SLC30A9: variants seen among roughly 807,000 people sequenced by gnomAD.
SLC30A9 encodes the protein proton-coupled zinc antiporter SLC30A9, mitochondrial.
In SLC30A9, 58 loss-of-function variants were observed where a neutral mutation model predicts 87.5. That is an observed-to-expected ratio of 0.66 (90% CI 0.54 to 0.82). SLC30A9 has a LOEUF of 0.82. SLC30A9 is among the 40% of genes least tolerant of loss of function. The pLI, the probability that SLC30A9 is intolerant of heterozygous loss-of-function variation, is 0.00. For synonymous variants in SLC30A9, 234 were observed against 233.0 expected (o/e 1.00, Z -0.04); for missense variants, 557 against 679.1 (o/e 0.82, Z 2.00).
At chr4:42,001,871 TTATAA>T in intron 2 of SLC30A9, 91 bp downstream of exon 2, 1 of 842,240 alleles carries the variant, frequency 1.2e-6, no homozygotes, top group Admixed American at 3.0e-5. Flanking sequence ...TAGAACTTAC[TTATAA>T]TACTGTCTGG....
chr4:42,081,287 CTT>C (rs1342401187), intron 17 of SLC30A9, among the ~76,000 whole-genome samples: 1 of 152,004 alleles, frequency 6.6e-6, no homozygotes, highest in African/African-American at 2.4e-5. Context: ...TCATGAAAGA[CTT>C]TTTTAAATGA....
chr4:41,993,680 A>G (rs1211046672), intron 1 of SLC30A9, among the ~76,000 whole-genome samples: 1 of 152,172 alleles, frequency 6.6e-6, no homozygotes, highest in Non-Finnish European at 1.5e-5. Flanking sequence ...ATGCCCTCTG[A>G]CCTAACAGTT....
rs147014914 is a variant in SLC30A9, at chr4:42,065,508, A to G, written c.1072+159A>G. Among the ~76,000 whole-genome samples, 599 of 152,302 alleles carry G rather than the reference A, an allele frequency of 3.9e-3. 1 individual carries two copies. The highest frequency in any genetic ancestry group is 6.8e-3 in the Non-Finnish European group (465 of 68,024). ...TTTTAGGGAGTAAAGTCTTTGCATA[A>G]TGTACTGTGGTTGTTCTGTAATGGA... is the stretch of plus-strand genomic sequence containing the variant. On this transcript the variant is annotated intron_variant, in intron 12 of 17. Transcript: ENST00000264451.
At chr4:42,058,612 G>A (rs1717721262) in intron 9 of SLC30A9, among the ~76,000 whole-genome samples, 1 of 152,178 alleles carries the variant, frequency 6.6e-6, no homozygotes, top group Admixed American at 6.5e-5. Flanking sequence ...AGAAAAAGGA[G>A]GTTTAATGGA....
chr4:42,049,390 T>C lies in SLC30A9; in HGVS notation c.751T>C (p.Cys251Arg). Residue 251 changes from cysteine (C) to arginine (R), a missense_variant, in exon 9 of 18, where the codon TGC (cysteine) becomes CGC (arginine). By Grantham distance (180) the Cys-to-Arg change is radical (BLOSUM62 -3). Coordinates refer to ENST00000264451, the MANE Select transcript of SLC30A9 (RefSeq NM_006345.4). ...MVAICINGLN[C>R]FFKFLAWIYT... ...TTTCTCTTCTAGCAATGGATTAAAC[T>C]GCTTCTTTAAATTTCTTGCCTGGAT... The C allele has an allele frequency of 6.2e-7, 1 of 1,609,736 alleles. No individual in the cohort carries two copies. Among genetic ancestry groups the C allele is most frequent in the Non-Finnish European group, 8.5e-7 (1 of 1,177,040 alleles).
At chr4:42,033,791 G>A (rs772305613) in intron 6 of SLC30A9, among the ~76,000 whole-genome samples, 74 of 152,136 alleles carry the variant, frequency 4.9e-4, no homozygotes, top group Non-Finnish European at 9.0e-4. Flanking sequence ...TAGCCAGGAT[G>A]GTCTCGATGA....
intron 1 of SLC30A9, among the ~76,000 whole-genome samples, chr4:41,995,192 A>AATT (rs1714646074): frequency 6.6e-6 from 1 of 152,174 alleles, no homozygotes; most frequent in Non-Finnish European, 1.5e-5. Flanking sequence ...CCCAGGAGGC[A>AATT]GAGGCTGCAG....
chr4:42,049,310 T>C (rs1717293067), intron 8 of SLC30A9, 67 bp from the exon 9 acceptor site: 1 of 890,028 alleles, frequency 1.1e-6, no homozygotes, highest in Non-Finnish European at 1.8e-6. Context: ...ATACAGCTGA[T>C]TGAGTATGCT....
chr4:42,085,374 T>C (rs1718888357), intron 17 of SLC30A9, among the ~76,000 whole-genome samples: 1 of 152,250 alleles, frequency 6.6e-6, no homozygotes, highest in Admixed American at 6.5e-5. Context: ...GCTCCATCAC[T>C]TACTAGCAGT....
At chr4:41,991,178 T>G (rs1425379134) in intron 1 of SLC30A9, among the ~76,000 whole-genome samples, 2 of 152,284 alleles carry the variant, frequency 1.3e-5, no homozygotes, top group Non-Finnish European at 2.9e-5. Flanking sequence ...TTTCTTGGCC[T>G]TCTTTTTCTT....
intron 6 of SLC30A9, among the ~76,000 whole-genome samples, chr4:42,030,436 C>T (rs185331092): frequency 6.6e-6 from 1 of 152,058 alleles, no homozygotes; most frequent in Non-Finnish European, 1.5e-5. Context: ...GTATTGCCTC[C>T]TATATTTTAT....
chr4:42,027,935 C>T (rs1716260889), intron 6 of SLC30A9, among the ~76,000 whole-genome samples: 1 of 152,094 alleles, frequency 6.6e-6, no homozygotes, highest in African/African-American at 2.4e-5. Context: ...GTTGAGGACA[C>T]TGAGGACAGA....
rs1182978263 is a variant in SLC30A9 at position 42,090,097 on chromosome 4, C to T, written c.*3971C>T. On this transcript the variant is annotated 3_prime_UTR_variant, in exon 18 of 18. Coordinates refer to ENST00000264451, the MANE Select transcript of SLC30A9 (RefSeq NM_006345.4). ...TTAGAATTTGTATTATCTTCTTAGA[C>T]TGCATTTGTCAAGCTTTGGCAGCAT... 6.6e-6 allele frequency: 1 copy of T among 152,212 alleles called. No individual in the cohort carries two copies. Among genetic ancestry groups the T allele is most frequent in the African/African-American group, 2.4e-5 (1 of 41,460 alleles). The allele number at this position is 152,212 out of a possible 1,614,324, so 9.4% of individuals were successfully genotyped here. A position where few individuals can be genotyped will look rare whatever the true frequency, so the allele number is the denominator to read the frequency against.
intron 6 of SLC30A9, among the ~76,000 whole-genome samples, chr4:42,030,720 G>A (rs1716398302): frequency 6.6e-6 from 1 of 151,760 alleles, no homozygotes; most frequent in Non-Finnish European, 1.5e-5. Flanking sequence ...ACAGGGATTT[G>A]TCATGGGGGA....
intron 6 of SLC30A9, chr4:42,029,775 C>T: frequency 1.4e-6 from 1 of 731,894 alleles, no homozygotes; most frequent in Non-Finnish European, 2.6e-6. Flanking sequence ...AGGCTTCAAA[C>T]CTAAGTCTCC....
chr4:42,035,402 A>G, intron 7 of SLC30A9, 69 bp downstream of exon 7: 1 of 1,541,270 alleles, frequency 6.5e-7, no homozygotes, highest in Non-Finnish European at 8.8e-7. Flanking sequence ...AGTCCATTGT[A>G]AAATTCTAGC....
intron 2 of SLC30A9, among the ~76,000 whole-genome samples, chr4:42,002,668 G>C (rs1715038757): frequency 6.6e-6 from 1 of 152,018 alleles, no homozygotes; most frequent in African/African-American, 2.4e-5. Flanking sequence ...ACTTTATCCA[G>C]TACCCCATTG....
intron 9 of SLC30A9, among the ~76,000 whole-genome samples, chr4:42,058,645 G>A (rs998755122): frequency 3.9e-5 from 6 of 152,212 alleles, no homozygotes; most frequent in Non-Finnish European, 8.8e-5. Flanking sequence ...CATGGCTAGG[G>A]AAGCCTCACA....
chr4:42,053,451 G>A (rs1452927399), intron 9 of SLC30A9, among the ~76,000 whole-genome samples: 2 of 152,064 alleles, frequency 1.3e-5, no homozygotes, highest in Non-Finnish European at 2.9e-5. Context: ...AGCACTTTGG[G>A]AGGCCAAGGC....
Sources: allele counts gnomAD v4.1 joint callset (sites outside exome capture counted in the v4.1 genomes callset), GRCh38; gene constraint gnomAD v4.1.1; transcripts MANE v1.5; gene names NCBI Gene and HGNC (gene_info 2026-07-23, HGNC 2026-07-21).